COL11A1: variants seen among roughly 807,000 people sequenced by gnomAD.
COL11A1 encodes the protein collagen type XI alpha 1 chain.
Under a neutral mutation model 265.2 loss-of-function variants are expected in COL11A1, and 74 were observed. The ratio of observed to expected loss-of-function variants is 0.28; its 90% CI spans 0.23 to 0.34. The LOEUF (loss-of-function observed/expected upper bound fraction) is 0.34. Among genes scored for constraint, COL11A1 ranks in the 10% least tolerant of loss-of-function variants. The pLI is 1.00. For missense variants in COL11A1, 2,165 were observed against 2,263.6 expected (o/e 0.96, Z 0.88); for synonymous variants, 816 against 727.6 (o/e 1.12, Z -1.96).
intron 2 of COL11A1, among the ~76,000 whole-genome samples, chr1:103,081,828 G>T (rs921904852): frequency 6.6e-6 from 1 of 151,906 alleles, no homozygotes; most frequent in East Asian, 1.9e-4. Flanking sequence ...AGGACCATTT[G>T]ATGACATATA....
At chr1:102,950,652 T>C (rs908590540) in intron 41 of COL11A1, among the ~76,000 whole-genome samples, 1 of 152,200 alleles carries the variant, frequency 6.6e-6, no homozygotes, top group Non-Finnish European at 1.5e-5. Context: ...CACTTCTGAA[T>C]ATTTGGTCAC....
intron 16 of COL11A1, 54 bp downstream of exon 16, chr1:103,006,208 A>AATAAATAAATAC: frequency 7.1e-7 from 1 of 1,416,180 alleles, no homozygotes; most frequent in Non-Finnish European, 9.5e-7. Flanking sequence ...TAAATAAATA[A>AATAAATAAATAC]AACTAATGAT....
intron 2 of COL11A1, among the ~76,000 whole-genome samples, chr1:103,081,029 C>T (rs1383470258): frequency 2.0e-5 from 3 of 151,874 alleles, no homozygotes; most frequent in African/African-American, 7.2e-5. Flanking sequence ...TAAAATCCTA[C>T]TTGCCCTTCC....
chr1:102,881,798 G>C, intron 64 of COL11A1, 33 bp from the exon 65 acceptor site: 1 of 1,539,290 alleles, frequency 6.5e-7, no homozygotes, highest in Non-Finnish European at 9.0e-7. Context: ...TTAGTGAGTA[G>C]GTGAAAATTT....
Position 103,012,443 on chromosome 1 carries a change from T to C in COL11A1, c.1599A>G (p.Pro533=). The part of the protein sequence containing the change: ...ARIALRGPPG[P]MGLTGRPGPV... ...GACCTGGTCTTCCAGTTAGACCCAT[T>C]GGGCCAGGTGGGCCTCTCAGAGCAA... Residue 533 remains proline, a synonymous_variant, in exon 14 of 67, where the codon CCA becomes CCG. Transcript: ENST00000370096. 2.5e-6 allele frequency: 4 copies of C among 1,613,454 alleles called. No homozygotes were observed. The highest frequency in any genetic ancestry group is 1.1e-5 in the South Asian group (1 of 91,028).
At chr1:103,018,889 A>G (rs1666776948) in intron 9 of COL11A1, 30 bp from the exon 10 acceptor site, 1 of 1,593,088 alleles carries the variant, frequency 6.3e-7, no homozygotes, top group African/African-American at 1.3e-5. Context: ...CATCTCTACC[A>G]GGGAAATATA....
At chr1:103,006,227 A>G in intron 16 of COL11A1, 35 bp downstream of exon 16, 1 of 1,325,020 alleles carries the variant, frequency 7.5e-7, no homozygotes, top group East Asian at 2.5e-5. Flanking sequence ...ATCATGGCAG[A>G]TGCCTTCAAA....
At chr1:103,011,698 G>GA (rs35157468) in intron 14 of COL11A1, among the ~76,000 whole-genome samples, 10,374 of 151,776 alleles carry the variant, frequency 0.068, 428 homozygotes, top group Middle Eastern at 0.17. Flanking sequence ...GTAAATAGCA[G>GA]AAAAAATTTA....
At chr1:103,102,209 C>T (rs1234165078) in intron 1 of COL11A1, among the ~76,000 whole-genome samples, 4 of 151,906 alleles carry the variant, frequency 2.6e-5, no homozygotes, top group Admixed American at 1.3e-4. Flanking sequence ...TAGATGCATT[C>T]TAAAACAGAA....
At chr1:102,995,451 G>A (rs1272004310) in intron 28 of COL11A1, among the ~76,000 whole-genome samples, 1 of 151,832 alleles carries the variant, frequency 6.6e-6, no homozygotes, top group African/African-American at 2.4e-5. Context: ...TAACTTTCCT[G>A]TTTTGTGCTG....
chr1:103,053,499 G>A (rs1356880640), intron 4 of COL11A1, among the ~76,000 whole-genome samples: 1 of 152,168 alleles, frequency 6.6e-6, no homozygotes, highest in African/African-American at 2.4e-5. Context: ...AATCACTGAA[G>A]CTTGGTCATA....
At chr1:103,010,465 C>T (rs1666013063) in intron 14 of COL11A1, among the ~76,000 whole-genome samples, 1 of 151,990 alleles carries the variant, frequency 6.6e-6, no homozygotes, top group Non-Finnish European at 1.5e-5. Context: ...TTGCCTATGA[C>T]TTTGAGAATG....
intron 46 of COL11A1, among the ~76,000 whole-genome samples, chr1:102,924,303 A>G (rs775581086): frequency 2.6e-5 from 4 of 152,208 alleles, no homozygotes; most frequent in Non-Finnish European, 4.4e-5. Flanking sequence ...GCTCTGTGTT[A>G]CAGTATAAAG....
intron 37 of COL11A1, 67 bp from the exon 38 acceptor site, chr1:102,965,607 G>C: frequency 3.1e-6 from 4 of 1,296,370 alleles, no homozygotes; most frequent in Non-Finnish European, 4.5e-6. Context: ...AATTCTATGA[G>C]ATAGCTGAAT....
intron 54 of COL11A1, among the ~76,000 whole-genome samples, chr1:102,910,204 A>C (rs1384859850): frequency 6.6e-6 from 1 of 151,910 alleles, no homozygotes; most frequent in Admixed American, 6.6e-5. Context: ...ATTTTATTCT[A>C]TTACTTAAAA....
intron 28 of COL11A1, among the ~76,000 whole-genome samples, chr1:102,994,458 T>C (rs3102058): frequency 0.98 from 149,097 of 152,174 alleles, 73,115 homozygotes; most frequent in East Asian, 1. Flanking sequence ...ATAGGATGCC[T>C]GTGCCCTCTT....
At chr1:102,940,568 C>T in intron 42 of COL11A1, 134 bp from the exon 43 acceptor site, 1 of 679,966 alleles carries the variant, frequency 1.5e-6, no homozygotes. Flanking sequence ...ATAAATGATA[C>T]ATGTTCCCTA....
intron 4 of COL11A1, among the ~76,000 whole-genome samples, chr1:103,065,388 C>A (rs929346868): frequency 6.6e-6 from 1 of 151,700 alleles, no homozygotes; most frequent in African/African-American, 2.4e-5. Flanking sequence ...GGCGTGTTGG[C>A]AGGCGCCTGT....
chr1:103,026,307 T>A lies in COL11A1; in HGVS notation c.806A>T (p.Tyr269Phe). 6.2e-7 allele frequency: 1 copy of A among 1,613,060 alleles called. No homozygotes were observed. The highest frequency in any genetic ancestry group is 2.2e-5 in the East Asian group (1 of 44,864). Residue 269 changes from tyrosine (Y) to phenylalanine (F), a missense_variant, in exon 6 of 67, where the codon TAT becomes TTT. Transcript: ENST00000370096. ...DEYAPEDIIE[Y>F]DYEYGEAEYK... ...CTCTGCTTCCCCATACTCATAGTCA[T>A]ATTCGATTATATCCTCTGGTGCATA...
Sources: allele counts gnomAD v4.1 joint callset (sites outside exome capture counted in the v4.1 genomes callset), GRCh38; gene constraint gnomAD v4.1.1; transcripts MANE v1.5; gene names NCBI Gene and HGNC (gene_info 2026-07-23, HGNC 2026-07-21).